Variants in DAB1 observed in about 807,000 individuals in gnomAD.
The protein encoded by DAB1 is DAB adaptor protein 1.
A neutral mutation model predicts 64.6 loss-of-function variants in DAB1; 15 were observed. The ratio of observed to expected loss-of-function variants is 0.23; its 90% CI spans 0.16 to 0.36. DAB1 has a LOEUF of 0.36. Among genes scored for constraint, DAB1 ranks in the 10% least tolerant of loss-of-function variants. The probability of loss-of-function intolerance (pLI) is 1.00; values close to 1 mark genes in which losing one functional copy is unlikely to be tolerated. For missense variants in DAB1, 596 were observed against 706.7 expected (o/e 0.84, Z 1.78); for synonymous variants, 235 against 251.9 (o/e 0.93, Z 0.64).
chr1:58,191,541 G>A (rs1460503907), intron 4 of DAB1, among the ~76,000 whole-genome samples: 1 of 152,170 alleles, frequency 6.6e-6, no homozygotes, highest in East Asian at 1.9e-4. Flanking sequence ...ACTGTCCCAG[G>A]TCACTGGACT....
intron 2 of DAB1, among the ~76,000 whole-genome samples, chr1:57,203,142 T>C (rs1391818453): frequency 6.6e-6 from 1 of 152,142 alleles, no homozygotes; most frequent in East Asian, 1.9e-4. Context: ...AACAGCACCA[T>C]TTCTCTTAGC....
intron 7 of DAB1, among the ~76,000 whole-genome samples, chr1:57,516,375 T>A (rs1411045579): frequency 6.6e-6 from 1 of 152,148 alleles, no homozygotes; most frequent in Non-Finnish European, 1.5e-5. Context: ...ACAGAAGATA[T>A]GATGAAGACA....
At chr1:57,212,897 G>A (rs937520982) in intron 2 of DAB1, among the ~76,000 whole-genome samples, 31 of 152,090 alleles carry the variant, frequency 2.0e-4, no homozygotes, top group African/African-American at 5.8e-4. Flanking sequence ...GCCATCCTGC[G>A]CTGAGCTGTA....
intron 5 of DAB1, among the ~76,000 whole-genome samples, chr1:58,131,992 C>A (rs1163430977): frequency 1.3e-5 from 2 of 152,010 alleles, no homozygotes; most frequent in East Asian, 3.9e-4. Context: ...CCACCCAGTT[C>A]GAGCTTCCTG....
intron 6 of DAB1, among the ~76,000 whole-genome samples, chr1:57,767,745 C>A (rs1442071387): frequency 1.3e-5 from 2 of 152,120 alleles, no homozygotes; most frequent in Non-Finnish European, 2.9e-5. Flanking sequence ...GCATTTAAAT[C>A]CACCATGGGA....
At chr1:57,647,662 A>G (rs537508092) in intron 7 of DAB1, among the ~76,000 whole-genome samples, 1 of 152,356 alleles carries the variant, frequency 6.6e-6, no homozygotes, top group South Asian at 2.1e-4. Flanking sequence ...AAAACAGAAT[A>G]TATCAATAGG....
intron 3 of DAB1, among the ~76,000 whole-genome samples, chr1:58,408,694 C>T (rs755047612): frequency 1.3e-5 from 2 of 152,178 alleles, no homozygotes; most frequent in African/African-American, 2.4e-5. Context: ...AGAATTTTGA[C>T]TCTTGGAGAT....
chr1:57,031,579 C>A (rs924108797), intron 9 of DAB1, among the ~76,000 whole-genome samples: 1 of 152,212 alleles, frequency 6.6e-6, no homozygotes, highest in Non-Finnish European at 1.5e-5. Flanking sequence ...TTAAGTGACT[C>A]GCCTCTGATC....
intron 3 of DAB1, among the ~76,000 whole-genome samples, chr1:58,373,319 C>A (rs1222852777): frequency 1.7e-5 from 2 of 119,360 alleles, no homozygotes; most frequent in Non-Finnish European, 3.9e-5. Context: ...CTATCCCTCC[C>A]CACTCCCCCC....
intron 4 of DAB1, among the ~76,000 whole-genome samples, chr1:58,289,491 AT>A (rs1392986421): frequency 1.3e-5 from 2 of 152,200 alleles, no homozygotes. Context: ...ATAACACATG[AT>A]TTTAAAGTTT....
intron 7 of DAB1, among the ~76,000 whole-genome samples, chr1:57,566,679 A>G (rs1362097252): frequency 6.6e-6 from 1 of 152,246 alleles, no homozygotes; most frequent in African/African-American, 2.4e-5. Context: ...AATCTAGAAG[A>G]AATGGATAAA....
chr1:57,730,785 A>G (rs1647375094), intron 6 of DAB1, among the ~76,000 whole-genome samples: 1 of 152,238 alleles, frequency 6.6e-6, no homozygotes, highest in African/African-American at 2.4e-5. Flanking sequence ...TCAATTTCAC[A>G]CTGATTCAGA....
intron 5 of DAB1, among the ~76,000 whole-genome samples, chr1:58,029,698 G>C (rs186276726): frequency 6.6e-6 from 1 of 152,178 alleles, no homozygotes; most frequent in East Asian, 1.9e-4. Context: ...GATCAGATGA[G>C]GAAAAATATT....
At chr1:57,223,155 T>C (rs1667009034) in intron 2 of DAB1, among the ~76,000 whole-genome samples, 1 of 152,188 alleles carries the variant, frequency 6.6e-6, no homozygotes, top group Non-Finnish European at 1.5e-5. Flanking sequence ...CTTCAGTTCT[T>C]CAGAAACCAA....
At position 57,757,220 on chromosome 1, in the gene DAB1, T is replaced by TTTTTTTTTTTTG. The variant is rs200688727; in HGVS notation, n.552-107556_552-107555insCAAAAAAAAAAA. On this transcript the variant is annotated intron_variant and non_coding_transcript_variant, in intron 6 of 20. Transcript: ENST00000485760. ...AGAATTTTTTTTTTTTTTTTTTTTT[T>TTTTTTTTTTTTG]AGCAGCAATGATGGAGGCTAACAGC... Among the ~76,000 whole-genome samples, 407 of 120,074 alleles carry TTTTTTTTTTTTG rather than the reference T, an allele frequency of 3.4e-3. 31 individuals carry two copies. The highest frequency in any genetic ancestry group is 5.3e-3 in the African/African-American group (192 of 36,268). The allele number at this position is 120,074 out of a possible 152,430, so 78.8% of individuals were successfully genotyped here. A position where few individuals can be genotyped will look rare whatever the true frequency, so the allele number is the denominator to read the frequency against.
At chr1:57,698,262 A>ATTTTT in intron 6 of DAB1, among the ~76,000 whole-genome samples, 1 of 138,932 alleles carries the variant, frequency 7.2e-6, no homozygotes, top group Non-Finnish European at 1.6e-5. Context: ...ACTTTTAAAC[A>ATTTTT]TTTTTTTTTT....
Position 58,229,579 on chromosome 1 carries a change from C to T in DAB1, n.310-78991G>A, listed in dbSNP as rs112419462. 7.9e-5 allele frequency among the ~76,000 whole-genome samples: 12 copies of T among 151,974 alleles called. 2 individuals carry two copies. Among genetic ancestry groups the T allele is most frequent in the East Asian group, 5.8e-4 (3 of 5,158 alleles). On this transcript the variant is annotated intron_variant and non_coding_transcript_variant, in intron 4 of 20. Coordinates refer to the DAB1 transcript ENST00000485760. Reference sequence around the variant, plus strand: ...GGGCATCTCAATCAATGGGGGGCATCGGGAAGGTTTCCCACCCAAAGGGAA... The same window carrying T: ...GGGCATCTCAATCAATGGGGGGCATTGGGAAGGTTTCCCACCCAAAGGGAA...
chr1:58,525,483 C>T (rs538211354), intron 2 of DAB1, among the ~76,000 whole-genome samples: 2 of 152,174 alleles, frequency 1.3e-5, no homozygotes, highest in Non-Finnish European at 2.9e-5. Flanking sequence ...TTTATCATGA[C>T]ATCAAACACT....
intron 1 of DAB1, among the ~76,000 whole-genome samples, chr1:58,536,912 AAT>A (rs1359672016): frequency 6.6e-6 from 1 of 152,182 alleles, no homozygotes; most frequent in Non-Finnish European, 1.5e-5. Context: ...ATGATGAAAA[AAT>A]AATCAATGAT....
Sources: allele counts gnomAD v4.1 joint callset (sites outside exome capture counted in the v4.1 genomes callset), GRCh38; gene constraint gnomAD v4.1.1; transcripts MANE v1.5; gene names NCBI Gene and HGNC (gene_info 2026-07-23, HGNC 2026-07-21).